Variants in GRAMD4 observed in about 807,000 individuals in gnomAD.
GRAMD4 encodes GRAM domain-containing protein 4.
A neutral mutation model predicts 83.9 loss-of-function variants in GRAMD4; 25 were observed. The ratio of observed to expected loss-of-function variants is 0.30; its 90% CI spans 0.22 to 0.42. The LOEUF is 0.42. GRAMD4 is among the 10% of genes least tolerant of loss of function. The probability of loss-of-function intolerance (pLI) is 1.00; values close to 1 mark genes in which losing one functional copy is unlikely to be tolerated. For missense variants in GRAMD4, 593 were observed against 788.7 expected, an observed-to-expected ratio of 0.75 and a Z score of 2.97; for synonymous variants, 336 against 320.9, an observed-to-expected ratio of 1.05 and a Z score of -0.50.
intron 1 of GRAMD4, among the ~76,000 whole-genome samples, chr22:46,623,632 G>A (rs1197427931): frequency 1.3e-5 from 2 of 151,972 alleles, no homozygotes; most frequent in Non-Finnish European, 2.9e-5. Flanking sequence ...TCCTGACCTC[G>A]TGATCCGCCC....
At position 46,668,922 on chromosome 22, in the gene GRAMD4, C is replaced by G. The variant is rs1482371979; in HGVS notation, c.1084+14C>G. On this transcript the variant is annotated intron_variant, in intron 13 of 18. Coordinates refer to ENST00000406902, the MANE Select transcript of GRAMD4 (RefSeq NM_015124.5). ...GGCTTGCCGTGGGTAAGTAGATGCA[C>G]CTGCGGCCTGTAGCTTCAGGAGGAG... 1 of 1,454,846 alleles carries G rather than the reference C, an allele frequency of 6.9e-7. No individual in the cohort carries two copies. The highest frequency in any genetic ancestry group is 9.6e-7 in the Non-Finnish European group (1 of 1,038,274). The allele number at this position is 1,454,846 out of a possible 1,614,324, so 90.1% of individuals were successfully genotyped here. A position where few individuals can be genotyped will look rare whatever the true frequency, so the allele number is the denominator to read the frequency against.
chr22:46,597,615 G>A (rs1479314602), intron 1 of GRAMD4, among the ~76,000 whole-genome samples: 4 of 151,868 alleles, frequency 2.6e-5, no homozygotes, highest in Admixed American at 1.3e-4. Flanking sequence ...TCAGCCTCCC[G>A]AGTAGCTGGG....
rs550476806 is a variant in GRAMD4 at position 46,672,324 on chromosome 22, G to A, written c.1085-519G>A. Among the ~76,000 whole-genome samples the A allele has an allele frequency of 7.2e-5, 11 of 152,028 alleles. No homozygotes were observed. Among genetic ancestry groups the A allele is most frequent in the Admixed American group, 3.3e-4 (5 of 15,282 alleles). On this transcript the variant is annotated intron_variant, in intron 13 of 18. Coordinates refer to ENST00000406902, the MANE Select transcript of GRAMD4 (RefSeq NM_015124.5). This position sits in a 1 kb window ranked among gnomAD's most constrained non-coding sequence, Gnocchi z 4.7. ...ACTTGCGAGGGCGTGGCTGGGAGCCGTCTGAGCAGCTGGTCATGGGCGGCC... is the reference window on the plus strand; with the variant it reads ...ACTTGCGAGGGCGTGGCTGGGAGCCATCTGAGCAGCTGGTCATGGGCGGCC...
At chr22:46,588,565 C>T (rs1384327129) in intron 1 of GRAMD4, among the ~76,000 whole-genome samples, 1 of 152,260 alleles carries the variant, frequency 6.6e-6, no homozygotes, top group East Asian at 1.9e-4. Flanking sequence ...CCACCCTGTC[C>T]CTCGCAGTCT....
chr22:46,583,740 C>T (rs2081120104), intron 1 of GRAMD4, among the ~76,000 whole-genome samples: 1 of 152,228 alleles, frequency 6.6e-6, no homozygotes, highest in South Asian at 2.1e-4. Context: ...AGGCGCATAC[C>T]TTCGATGTGG....
At chr22:46,628,747 C>T (rs1055003364) in intron 2 of GRAMD4, among the ~76,000 whole-genome samples, 1 of 152,046 alleles carries the variant, frequency 6.6e-6, no homozygotes, top group Non-Finnish European at 1.5e-5. Context: ...GAGTCTTCAC[C>T]TGGGGCAGAA....
chr22:46,582,825 C>T (rs1457452241), intron 1 of GRAMD4, among the ~76,000 whole-genome samples: 2 of 152,228 alleles, frequency 1.3e-5, no homozygotes, highest in South Asian at 4.1e-4. Flanking sequence ...CCAAGTTGTG[C>T]AGCCATCACC....
chr22:46,662,520 C>G (rs141565047), intron 5 of GRAMD4, among the ~76,000 whole-genome samples: 3 of 152,260 alleles, frequency 2.0e-5, no homozygotes, highest in African/African-American at 7.2e-5. Context: ...CAACACCGTG[C>G]GCTCACCCTG....
chr22:46,579,658 C>T (rs950344511), intron 1 of GRAMD4, among the ~76,000 whole-genome samples: 1 of 152,148 alleles, frequency 6.6e-6, no homozygotes, highest in African/African-American at 2.4e-5. Context: ...CCGTGTGCCC[C>T]CTCCCCTCCC....
chr22:46,668,269 C>A, intron 11 of GRAMD4, 102 bp downstream of exon 11: 1 of 744,580 alleles, frequency 1.3e-6, no homozygotes, highest in Non-Finnish European at 2.3e-6. Context: ...CCGGCCTCCG[C>A]TGCTGCCTGG....
chr22:46,648,831 GATGGATGGATGGATGC>G (rs1251712141), intron 3 of GRAMD4, among the ~76,000 whole-genome samples: 2 of 133,772 alleles, frequency 1.5e-5, no homozygotes, highest in African/African-American at 6.0e-5. Context: ...TGGATGGATG[GATGGATGGATGGATGC>G]ATGGATGGAT....
upstream of GRAMD4, among the ~76,000 whole-genome samples, chr22:46,617,805 G>A (rs1648411335): frequency 6.6e-6 from 1 of 152,186 alleles, no homozygotes. Flanking sequence ...TCACAGTGCA[G>A]AAGGCTCAGC....
chr22:46,577,492 C>T (rs1438609245), intron 1 of GRAMD4, among the ~76,000 whole-genome samples: 1 of 150,716 alleles, frequency 6.6e-6, no homozygotes, highest in Non-Finnish European at 1.5e-5. Context: ...TCCCGCGCGT[C>T]ACGGCTGCTC....
chr22:46,668,584 C>T (rs1020335736), intron 11 of GRAMD4, 105 bp from the exon 12 acceptor site: 27 of 1,047,980 alleles, frequency 2.6e-5, no homozygotes, highest in Middle Eastern at 2.0e-4. Context: ...CACAGGGCTC[C>T]GAGTGACCTC....
chr22:46,615,888 AGGTTCCCCTGTGCGTGT>A (rs2081481026), upstream of GRAMD4, among the ~76,000 whole-genome samples: 1 of 98,160 alleles, frequency 1.0e-5, no homozygotes, highest in African/African-American at 3.8e-5. Flanking sequence ...CCCCGTGTGT[AGGTTCCCCTGTGCGTGT>A]AGGTTCCCCC....
intron 1 of GRAMD4, among the ~76,000 whole-genome samples, chr22:46,612,866 C>T (rs7288659): frequency 0.073 from 11,104 of 152,256 alleles, 683 homozygotes; most frequent in African/African-American, 0.17. Flanking sequence ...CCCGGGGCCC[C>T]CAGGCTGAAG....
At chr22:46,607,072 G>A (rs1166407542) in intron 1 of GRAMD4, among the ~76,000 whole-genome samples, 2 of 152,160 alleles carry the variant, frequency 1.3e-5, no homozygotes, top group African/African-American at 2.4e-5. Flanking sequence ...ACCTCACTCC[G>A]ACAGCCCAGT....
Position 46,672,454 on chromosome 22 carries a change from C to A in GRAMD4, c.1085-389C>A, listed in dbSNP as rs1243367330. Among the ~76,000 whole-genome samples, 1 of 151,490 alleles carries A rather than the reference C, an allele frequency of 6.6e-6. No homozygotes were observed. The highest frequency in any genetic ancestry group is 2.4e-5 in the African/African-American group (1 of 41,120). ...CATGGAGGGACCTCAGATTTGGTGT[C>A]AGGTGTGGGGAATTGGGGCAGAGGA... On this transcript the variant is annotated intron_variant, in intron 13 of 18. Transcript: ENST00000406902. The surrounding 1 kb of genome is among the most constrained non-coding windows in gnomAD (Gnocchi z 4.7).
intron 1 of GRAMD4, among the ~76,000 whole-genome samples, chr22:46,586,845 G>A (rs955401904): frequency 2.0e-5 from 3 of 152,202 alleles, no homozygotes; most frequent in Non-Finnish European, 4.4e-5. Context: ...CTGAGGCCCT[G>A]CAGCTCTGAG....
Sources: allele counts gnomAD v4.1 joint callset (sites outside exome capture counted in the v4.1 genomes callset), GRCh38; gene constraint gnomAD v4.1.1; non-coding constraint Gnocchi (gnomAD v3.1); transcripts MANE v1.5; gene names NCBI Gene and HGNC (gene_info 2026-07-23, HGNC 2026-07-21).